The following METAP1D variants were observed in gnomAD, a reference collection of about 807,000 sequenced individuals.
The protein encoded by METAP1D is methionyl aminopeptidase type 1D, mitochondrial.
In METAP1D, 31 loss-of-function variants were observed where a neutral mutation model predicts 40.5. The ratio of observed to expected loss-of-function variants is 0.77; its 90% CI spans 0.58 to 1.03. The LOEUF is 1.03. Among genes scored for constraint, METAP1D ranks in the 50% least tolerant of loss-of-function variants. METAP1D has a pLI of 0.00. For missense variants in METAP1D, 411 were observed against 420.7 expected (o/e 0.98, Z 0.20); for synonymous variants, 151 against 146.4 (o/e 1.03, Z -0.22).
intron 1 of METAP1D, among the ~76,000 whole-genome samples, chr2:172,045,525 G>C (rs1298168609): frequency 6.7e-6 from 1 of 148,746 alleles, no homozygotes; most frequent in East Asian, 2.0e-4. Flanking sequence ...GCCGGGCGTG[G>C]TGGCGCACGC....
chr2:172,051,532 G>A (rs1245797028), intron 1 of METAP1D, among the ~76,000 whole-genome samples: 2 of 152,140 alleles, frequency 1.3e-5, no homozygotes, highest in Admixed American at 6.6e-5. Context: ...AGTTGCTATT[G>A]ATAATTTTAT....
At chr2:172,071,555 G>A (rs1039189453) in intron 6 of METAP1D, among the ~76,000 whole-genome samples, 5 of 152,212 alleles carry the variant, frequency 3.3e-5, no homozygotes, top group Non-Finnish European at 5.9e-5. Context: ...CAAATAGCCT[G>A]AAACGGTGAT....
chr2:172,045,518 G>A (rs572702593), intron 1 of METAP1D, among the ~76,000 whole-genome samples: 3 of 147,766 alleles, frequency 2.0e-5, no homozygotes, highest in East Asian at 2.0e-4. Context: ...AAAATTAGCC[G>A]GGCGTGGTGG....
chr2:172,017,910 C>T (rs908058646), intron 1 of METAP1D, among the ~76,000 whole-genome samples: 5 of 152,054 alleles, frequency 3.3e-5, no homozygotes, highest in South Asian at 2.1e-4. Context: ...GGGTGAATCA[C>T]GATATCAGGA....
At chr2:172,019,916 C>CA (rs1403681776) in intron 1 of METAP1D, among the ~76,000 whole-genome samples, 1 of 152,124 alleles carries the variant, frequency 6.6e-6, no homozygotes, top group African/African-American at 2.4e-5. Context: ...GGATTTGAGT[C>CA]AGTAGGTATA....
rs80021850 is a variant in METAP1D, at chr2:172,043,416, A to G, written c.41-18082A>G. Among the ~76,000 whole-genome samples the G allele has an allele frequency of 2.3e-4, 30 of 133,292 alleles. 2 individuals carry two copies. In the East Asian group the frequency reaches 6.0e-3, roughly 27 times the overall value. 87.4% of individuals were successfully genotyped at this position (133,292 alleles called of 152,430 possible). A position where few individuals can be genotyped will look rare whatever the true frequency, so the allele number is the denominator to read the frequency against. ...GGGTGAGTTGGCAGTGATGGAAAGC[A>G]AAGTCAACCCCACTTGGTCACGACT... On this transcript the variant is annotated intron_variant, in intron 1 of 9. Coordinates refer to ENST00000315796, the MANE Select transcript of METAP1D (RefSeq NM_199227.3).
intron 1 of METAP1D, among the ~76,000 whole-genome samples, chr2:172,003,955 G>A (rs1688524624): frequency 6.6e-6 from 1 of 152,010 alleles, no homozygotes; most frequent in African/African-American, 2.4e-5. Flanking sequence ...AAGTAGACAC[G>A]GGGTTTTGCC....
At chr2:172,077,607 CAGT>C (rs1281514785) in intron 6 of METAP1D, among the ~76,000 whole-genome samples, 187 bp from the exon 7 acceptor site, 1 of 152,168 alleles carries the variant, frequency 6.6e-6, no homozygotes, top group Non-Finnish European at 1.5e-5. Flanking sequence ...TATCCAAAGA[CAGT>C]GGTTGCAGGC....
intron 1 of METAP1D, among the ~76,000 whole-genome samples, chr2:172,010,998 G>A (rs1688705894): frequency 6.6e-6 from 1 of 151,612 alleles, no homozygotes; most frequent in African/African-American, 2.4e-5. Context: ...CAAGTGATCT[G>A]CCTGCCTCAG....
chr2:172,042,825 ATATGTACACATATACGTG>A lies in METAP1D; in HGVS notation c.41-18671_41-18654del, dbSNP rs1689623149. ...TATGTACACATATACGTGTGTGTGT[ATATGTACACATATACGTG>A]TGTGTGTATATATGTACATATATGT... On this transcript the variant is annotated intron_variant, in intron 1 of 9. Coordinates refer to ENST00000315796, the MANE Select transcript of METAP1D (RefSeq NM_199227.3). Among the ~76,000 whole-genome samples the A allele has an allele frequency of 5.2e-4, 28 of 54,172 alleles. 4 individuals carry two copies. Among genetic ancestry groups the A allele is most frequent in the Admixed American group, 9.6e-4 (5 of 5,228 alleles). The allele number at this position is 54,172 out of a possible 152,430, so 35.5% of individuals were successfully genotyped here.
In METAP1D at chr2:172,061,554, A is replaced by G. The variant is rs751981880; in HGVS notation, c.97A>G (p.Ser33Gly). The change falls in exon 2 of 10, where the codon AGC (serine) becomes GGC (glycine). Residue 33 changes from serine (S) to glycine (G), a missense_variant. Ser to Gly is a moderately conservative substitution (Grantham distance 56). Transcript: ENST00000315796. ...TCATATCTACTTACACAAGCAGTCA[A>G]GCAGTCAACAAAGAAGAAATTTCTT... Reference protein sequence around the residue: ...LNHIYLHKQSSSQQRRNFFFR... With the variant: ...LNHIYLHKQSGSQQRRNFFFR... 6.2e-7 allele frequency: 1 copy of G among 1,613,896 alleles called. No individual in the cohort carries two copies. Among genetic ancestry groups the G allele is most frequent in the South Asian group, 1.1e-5 (1 of 91,050 alleles).
chr2:172,038,770 CT>C (rs1689451070), intron 1 of METAP1D, among the ~76,000 whole-genome samples: 1 of 152,152 alleles, frequency 6.6e-6, no homozygotes, highest in South Asian at 2.1e-4. Context: ...TGCAGCAGAG[CT>C]CATAAATTCT....
chr2:172,053,039 G>A (rs979214925), intron 1 of METAP1D, among the ~76,000 whole-genome samples: 6 of 152,230 alleles, frequency 3.9e-5, no homozygotes, highest in South Asian at 2.1e-4. Flanking sequence ...ATTTTGAAAC[G>A]TACACCTTAG....
chr2:172,014,797 C>T lies in METAP1D; in HGVS notation c.40+14788C>T, dbSNP rs182657378. 2.4e-4 allele frequency among the ~76,000 whole-genome samples: 37 copies of T among 152,168 alleles called. No homozygotes were observed. In the East Asian group the frequency reaches 4.5e-3, roughly 18 times the overall value. On this transcript the variant is annotated intron_variant, in intron 1 of 9. Coordinates refer to ENST00000315796, the MANE Select transcript of METAP1D (RefSeq NM_199227.3). ...CCTCCCGAGTAGCTGGGACTACAGG[C>T]GCCCGCCAGCACACCCGGCTATTTT...
At chr2:172,064,619 C>CAAA (rs35487971) in intron 3 of METAP1D, among the ~76,000 whole-genome samples, 1 of 103,312 alleles carries the variant, frequency 9.7e-6, no homozygotes, top group Non-Finnish European at 2.1e-5. Context: ...GACTCCATCT[C>CAAA]AAAAAAAAAA....
At chr2:172,024,435 G>C (rs1469758725) in intron 1 of METAP1D, among the ~76,000 whole-genome samples, 1 of 151,952 alleles carries the variant, frequency 6.6e-6, no homozygotes, top group African/African-American at 2.4e-5. Flanking sequence ...GGAGGCCCAG[G>C]GGGTCTTTAC....
At chr2:172,016,437 G>GA (rs2105388210) in intron 1 of METAP1D, among the ~76,000 whole-genome samples, 1 of 148,850 alleles carries the variant, frequency 6.7e-6, no homozygotes, top group African/African-American at 2.5e-5. Context: ...GGGCAACATG[G>GA]AAAAACCCTG....
At chr2:172,077,755 A>T in intron 6 of METAP1D, 42 bp from the exon 7 acceptor site, 2 of 1,020,658 alleles carry the variant, frequency 2.0e-6, no homozygotes, top group Non-Finnish European at 2.9e-6. Context: ...TGCCTGAAAA[A>T]CTTATCTAAT....
chr2:172,011,046 C>T (rs917645341), intron 1 of METAP1D, among the ~76,000 whole-genome samples: 11 of 152,064 alleles, frequency 7.2e-5, no homozygotes, highest in East Asian at 2.0e-4. Context: ...TGAGCCACCG[C>T]GCCCAGCCTG....
Sources: allele counts gnomAD v4.1 joint callset (sites outside exome capture counted in the v4.1 genomes callset), GRCh38; gene constraint gnomAD v4.1.1; transcripts MANE v1.5; gene names NCBI Gene and HGNC (gene_info 2026-07-23, HGNC 2026-07-21).